Variants in NUP214 observed in about 807,000 individuals in gnomAD.
NUP214 encodes nucleoporin 214.
Under a neutral mutation model 196.2 loss-of-function variants are expected in NUP214, and 79 were observed. The ratio of observed to expected loss-of-function variants is 0.40; its 90% CI spans 0.34 to 0.49. The LOEUF (loss-of-function observed/expected upper bound fraction) is 0.49. NUP214 is among the 20% of genes least tolerant of loss of function. The pLI is 0.58. For synonymous variants in NUP214, 1,020 were observed against 990.5 expected (o/e 1.03, Z -0.56); for missense variants, 2,468 against 2,539.0 (o/e 0.97, Z 0.60).
At chr9:131,162,906 C>A in intron 18 of NUP214, 85 bp from the exon 19 acceptor site, 1 of 1,251,206 alleles carries the variant, frequency 8.0e-7, no homozygotes, top group Non-Finnish European at 1.2e-6. Context: ...TCACTGTTAC[C>A]ATTGTAGTCT....
chr9:131,187,383 CTTTTTTTTT>C lies in NUP214; in HGVS notation c.3495+32_3495+40del. 4 of 1,056,464 alleles carry C rather than the reference CTTTTTTTTT, an allele frequency of 3.8e-6. No individual in the cohort carries two copies. The highest frequency in any genetic ancestry group is 2.9e-5 in the East Asian group (1 of 34,576). 65.4% of individuals were successfully genotyped at this position (1,056,464 alleles called of 1,614,324 possible). A position where few individuals can be genotyped will look rare whatever the true frequency, so the allele number is the denominator to read the frequency against. Reference sequence around the variant, plus strand: ...CAAGCAGGTAACTTACTGATTTTTACTTTTTTTTTTTTTTTTTTTTTGAGACAGAGTCTT... The same window carrying C: ...CAAGCAGGTAACTTACTGATTTTTACTTTTTTTTTTTTGAGACAGAGTCTT... On this transcript the variant is annotated intron_variant, in intron 25 of 35. Transcript: ENST00000359428.
intron 18 of NUP214, among the ~76,000 whole-genome samples, chr9:131,161,747 C>T (rs1016886824): frequency 4.6e-5 from 7 of 152,114 alleles, no homozygotes; most frequent in African/African-American, 1.7e-4. Context: ...GCTTAACGTG[C>T]GTTCTGAGAA....
At chr9:131,200,859 A>G (rs1310655012) in intron 29 of NUP214, among the ~76,000 whole-genome samples, 2 of 151,842 alleles carry the variant, frequency 1.3e-5, no homozygotes, top group Non-Finnish European at 2.9e-5. Flanking sequence ...AAGATAAACT[A>G]CCCTGAAAAG....
intron 26 of NUP214, chr9:131,189,777 C>A (rs1448330004): frequency 6.6e-6 from 1 of 152,670 alleles, no homozygotes; most frequent in Non-Finnish European, 1.5e-5. Flanking sequence ...TGTGGGTCTT[C>A]CTCAGTGTCC....
chr9:131,230,328 G>A (rs1413390304), intron 33 of NUP214: 5 of 337,380 alleles, frequency 1.5e-5, no homozygotes, highest in Non-Finnish European at 2.7e-5. Context: ...TGGAGGTAGA[G>A]CAGGAACTGT....
In NUP214 at chr9:131,213,197, C is replaced by G. The variant is rs142225936; in HGVS notation, c.5593-2015C>G. 2.8e-5 allele frequency among the ~76,000 whole-genome samples: 4 copies of G among 141,098 alleles called. No homozygotes were observed. In the East Asian group the frequency reaches 8.1e-4, roughly 28 times the overall value. The allele number at this position is 141,098 out of a possible 152,430, so 92.6% of individuals were successfully genotyped here. ...AAATCACTTTTTTTTTTTTTTTTGA[C>G]GGTGTTTCGCTCTTGTTGCCCAGAC... is the stretch of plus-strand genomic sequence containing the variant. On this transcript the variant is annotated intron_variant, in intron 30 of 35. Coordinates refer to ENST00000359428, the MANE Select transcript of NUP214 (RefSeq NM_005085.4).
At chr9:131,189,217 A>G (rs564916064) in intron 26 of NUP214, 86 bp downstream of exon 26, 13 of 1,092,740 alleles carry the variant, frequency 1.2e-5, no homozygotes, top group Admixed American at 1.2e-4. Context: ...GACAGTTGCC[A>G]TAGGAAACAG....
chr9:131,180,061 C>A (rs1468908238), intron 24 of NUP214, among the ~76,000 whole-genome samples: 1 of 152,240 alleles, frequency 6.6e-6, no homozygotes, highest in Non-Finnish European at 1.5e-5. Flanking sequence ...TTCTCCTTTT[C>A]TCAAGCTTCA....
rs553974029 is a variant in NUP214, at chr9:131,130,920, C to A, written c.663+84C>A. 1.5e-5 allele frequency: 16 copies of A among 1,090,176 alleles called. No individual in the cohort carries two copies. The East Asian group carries it at 3.2e-4, about 22-fold the overall frequency. The allele number at this position is 1,090,176 out of a possible 1,614,324, so 67.5% of individuals were successfully genotyped here. ...GTTTGGGAGTATCTTTCTTGTTTTT[C>A]CTATTAAAAAGTAATTTATACTCAT... On this transcript the variant is annotated intron_variant, in intron 5 of 35. Transcript: ENST00000359428.
At chr9:131,192,055 TC>T in intron 26 of NUP214, 152 bp from the exon 27 acceptor site, 1 of 498,566 alleles carries the variant, frequency 2.0e-6, no homozygotes, top group Non-Finnish European at 3.5e-6. Flanking sequence ...ACGTGCTCAC[TC>T]CCCATGGCCA....
intron 30 of NUP214, among the ~76,000 whole-genome samples, chr9:131,205,612 A>T (rs1210594072): frequency 6.6e-6 from 1 of 152,254 alleles, no homozygotes; most frequent in Non-Finnish European, 1.5e-5. Context: ...GAATGCATAA[A>T]TAAATTGTGG....
At chr9:131,197,085 C>T in intron 28 of NUP214, 131 bp from the exon 29 acceptor site, 1 of 1,247,696 alleles carries the variant, frequency 8.0e-7, no homozygotes, top group South Asian at 1.5e-5. Flanking sequence ...GAGAAAGCTG[C>T]TGTGAGAACA....
chr9:131,176,228 G>A (rs1395033532), intron 23 of NUP214, among the ~76,000 whole-genome samples: 1 of 152,062 alleles, frequency 6.6e-6, no homozygotes, highest in Admixed American at 6.5e-5. Flanking sequence ...GAGAGGTGAA[G>A]GTTATCCCAC....
At position 131,195,159 on chromosome 9, in the gene NUP214, T is replaced by TA. The variant is rs1033988180; in HGVS notation, c.3660-70dup. On this transcript the variant is annotated intron_variant, in intron 27 of 35. Transcript: ENST00000359428. ...GAGGGCGGTTTGTATGAATGAATGA[T>TA]AAAATGGAATATTAAGAGGGCAATA... 5 of 1,047,342 alleles carry TA rather than the reference T, an allele frequency of 4.8e-6. No individual in the cohort carries two copies. The African/African-American group carries it at 8.0e-5, about 17-fold the overall frequency. 64.9% of individuals were successfully genotyped at this position (1,047,342 alleles called of 1,614,324 possible).
At chr9:131,202,970 G>A (rs1008543990) in intron 30 of NUP214, among the ~76,000 whole-genome samples, 7 of 149,766 alleles carry the variant, frequency 4.7e-5, no homozygotes, top group South Asian at 4.2e-4. Context: ...TTTTGAGACC[G>A]AGTGTCGCTC....
intron 27 of NUP214, among the ~76,000 whole-genome samples, chr9:131,194,675 C>T (rs1588158882): frequency 1.3e-5 from 2 of 152,170 alleles, no homozygotes; most frequent in South Asian, 4.1e-4. Context: ...AGTTTTTGAA[C>T]TAGATTTTCC....
rs2131094813 is a variant in NUP214, at chr9:131,222,762, A to G, written c.5750-16A>G. On this transcript the variant is annotated splice_polypyrimidine_tract_variant and intron_variant, in intron 31 of 35. Transcript: ENST00000359428. ...TTTGTCTCCCTCTGACCTCCCTCAC[A>G]TCTTCATCTCTTCAGATACCTCTAA... The G allele has an allele frequency of 6.2e-7, 1 of 1,609,368 alleles. No homozygotes were observed. The highest frequency in any genetic ancestry group is 1.1e-5 in the South Asian group (1 of 90,742).
Position 131,125,687 on chromosome 9 carries a change from C to A in NUP214, c.-18C>A. 1 of 1,549,690 alleles carries A rather than the reference C, an allele frequency of 6.5e-7. No individual in the cohort carries two copies. The highest frequency in any genetic ancestry group is 2.5e-5 in the East Asian group (1 of 40,570). On this transcript the variant is annotated 5_prime_UTR_variant, in exon 1 of 36. Transcript: ENST00000359428. This position sits in a 1 kb window ranked among gnomAD's most constrained non-coding sequence, Gnocchi z 4.1. The stretch of plus-strand genomic sequence containing the variant: ...TGGGAGGCAGCGTTGGCTGCTTCGA[C>A]ACACTGAGGGCGGCGCGATGGGAGA...
Position 131,187,298 on chromosome 9 carries a change from G to T in NUP214, c.3429G>T (p.Val1143=). ...ATPSTAMGSS[V]PYSTAKTPHP... ...TTTGTGTGTTTTTCAGTTCTTCAGT[G>T]CCCTACTCCACAGCCAAAACACCTC... Residue 1143 remains valine, a synonymous_variant, in exon 25 of 36, where the codon GTG becomes GTT. Coordinates refer to ENST00000359428, the MANE Select transcript of NUP214 (RefSeq NM_005085.4). 1 of 1,613,342 alleles carries T rather than the reference G, an allele frequency of 6.2e-7. No individual in the cohort carries two copies. The highest frequency in any genetic ancestry group is 1.1e-5 in the South Asian group (1 of 91,052).
Sources: allele counts gnomAD v4.1 joint callset (sites outside exome capture counted in the v4.1 genomes callset), GRCh38; gene constraint gnomAD v4.1.1; non-coding constraint Gnocchi (gnomAD v3.1); transcripts MANE v1.5; gene names NCBI Gene and HGNC (gene_info 2026-07-23, HGNC 2026-07-21).